The following TTC36 variants were observed in gnomAD, a reference collection of about 807,000 sequenced individuals.
TTC36 encodes tetratricopeptide repeat domain 36, also known as tetratricopeptide repeat protein 36.
Under a neutral mutation model 17.5 loss-of-function variants are expected in TTC36, and 15 were observed. That is an observed-to-expected ratio of 0.86 (90% CI 0.57 to 1.32). The LOEUF is 1.32. Among genes scored for constraint, TTC36 ranks in the 40% most tolerant of loss-of-function variants. TTC36 has a pLI of 0.00. For synonymous variants in TTC36, 112 were observed against 109.8 expected (o/e 1.02, Z -0.13); for missense variants, 292 against 260.9 (o/e 1.12, Z -0.82).
chr11:118,527,776 T>C, intron 1 of TTC36, 164 bp downstream of exon 1: 1 of 695,292 alleles, frequency 1.4e-6, no homozygotes, highest in Non-Finnish European at 2.6e-6. Context: ...GGGGGTTTGG[T>C]AAGAGATGTC....
chr11:118,527,807 G>C (rs1951112191), intron 1 of TTC36, 195 bp downstream of exon 1: 1 of 662,668 alleles, frequency 1.5e-6, no homozygotes, highest in Admixed American at 2.1e-5. Context: ...GAGTAAGCTG[G>C]GGTTTGTCTC....
At chr11:118,528,841 C>T (rs782420479) in intron 2 of TTC36, 50 bp downstream of exon 2, 4 of 1,508,156 alleles carry the variant, frequency 2.7e-6, no homozygotes, top group African/African-American at 1.4e-5. Flanking sequence ...CGGGAGGGCA[C>T]AGACCAGAAC....
intron 2 of TTC36, 87 bp downstream of exon 2, chr11:118,528,878 C>T: frequency 7.9e-7 from 1 of 1,264,252 alleles, no homozygotes; most frequent in Admixed American, 2.6e-5. Flanking sequence ...CTGGGGTGGC[C>T]TTGCTAAACC....
chr11:118,528,993 T>G (rs1951142040), intron 2 of TTC36, among the ~76,000 whole-genome samples: 1 of 152,146 alleles, frequency 6.6e-6, no homozygotes, highest in African/African-American at 2.4e-5. Flanking sequence ...TTCCATTGAT[T>G]AAGGAACAGT....
At chr11:118,528,508 C>G in intron 1 of TTC36, 95 bp from the exon 2 acceptor site, 1 of 1,346,812 alleles carries the variant, frequency 7.4e-7, no homozygotes, top group Non-Finnish European at 1.0e-6. Flanking sequence ...CCAGTCAGCT[C>G]TGGCTCAGAT....
In TTC36 at chr11:118,527,564, G is replaced by GATCC; in HGVS notation, c.70_71insATCC (p.Val24AspfsTer19). The GATCC allele has an allele frequency of 6.2e-7, 1 of 1,614,218 alleles. No homozygotes were observed. Among genetic ancestry groups the GATCC allele is most frequent in the Non-Finnish European group, 8.5e-7 (1 of 1,180,030 alleles). On this transcript the variant is annotated frameshift_variant, in exon 1 of 3. Coordinates refer to ENST00000302783, the MANE Select transcript of TTC36 (RefSeq NM_001080441.4). LOFTEE classifies it high-confidence loss of function. ...CCCTGACACCCCATTTGGAGACATT[G>GATCC]TTGGATTGGACCTCGGAGAGGAAGC...
intron 2 of TTC36, 116 bp downstream of exon 2, chr11:118,528,907 T>C: frequency 1.1e-5 from 10 of 919,106 alleles, no homozygotes; most frequent in Non-Finnish European, 1.4e-5. Context: ...GCCTGTCTTC[T>C]TACCTATAAG....
In TTC36 at chr11:118,530,538, C is replaced by A; in HGVS notation, c.308-116C>A. On this transcript the variant is annotated intron_variant, in intron 2 of 2. Coordinates refer to ENST00000302783, the MANE Select transcript of TTC36 (RefSeq NM_001080441.4). The surrounding 1 kb of genome is among the most constrained non-coding windows in gnomAD (Gnocchi z 5.8). ...GTGCGAGGCGGGTTGTAAATGGCCA[C>A]GCCCGGGAGCCGCAAGAACCACGGT... is the stretch of plus-strand genomic sequence containing the variant. The A allele has an allele frequency of 1.6e-6, 2 of 1,240,092 alleles. No individual in the cohort carries two copies. The highest frequency in any genetic ancestry group is 2.1e-6 in the Non-Finnish European group (2 of 966,500). 76.8% of individuals were successfully genotyped at this position (1,240,092 alleles called of 1,614,324 possible). A position where few individuals can be genotyped will look rare whatever the true frequency, so the allele number is the denominator to read the frequency against.
chr11:118,527,689 GT>G, intron 1 of TTC36, 77 bp downstream of exon 1: 1 of 986,048 alleles, frequency 1.0e-6, no homozygotes, highest in Non-Finnish European at 1.6e-6. Context: ...GAGGGAGGTG[GT>G]TTTATAAGGC....
chr11:118,528,098 G>A (rs1653838279), intron 1 of TTC36: 3 of 402,586 alleles, frequency 7.5e-6, no homozygotes, highest in South Asian at 3.6e-5. Context: ...CCTAATGAAG[G>A]AGTTTTTGAT....
chr11:118,530,632 G>T lies in TTC36; in HGVS notation c.308-22G>T. On this transcript the variant is annotated intron_variant, in intron 2 of 2. Coordinates refer to ENST00000302783, the MANE Select transcript of TTC36 (RefSeq NM_001080441.4). This position sits in a 1 kb window ranked among gnomAD's most constrained non-coding sequence, Gnocchi z 5.8. ...CCTGGCCTCCGCTGACCCCCGCCCC[G>T]CCCGTCTCGTCGGTCCCGCAGGCGC... is the stretch of plus-strand genomic sequence containing the variant. 7.1e-7 allele frequency: 1 copy of T among 1,410,964 alleles called. No homozygotes were observed. The highest frequency in any genetic ancestry group is 3.1e-5 in the East Asian group (1 of 32,698). 87.4% of individuals were successfully genotyped at this position (1,410,964 alleles called of 1,614,324 possible).
chr11:118,530,512 G>A lies in TTC36; in HGVS notation c.308-142G>A. 3.3e-6 allele frequency: 3 copies of A among 912,400 alleles called. No individual in the cohort carries two copies. The highest frequency in any genetic ancestry group is 2.5e-5 in the South Asian group (1 of 40,068). The allele number at this position is 912,400 out of a possible 1,614,324, so 56.5% of individuals were successfully genotyped here. ...GGAATAACGATCCGTACCTCTAGCA[G>A]GTGCGAGGCGGGTTGTAAATGGCCA... On this transcript the variant is annotated intron_variant, in intron 2 of 2. Coordinates refer to ENST00000302783, the MANE Select transcript of TTC36 (RefSeq NM_001080441.4). The surrounding 1 kb of genome is among the most constrained non-coding windows in gnomAD (Gnocchi z 5.8).
Position 118,528,663 on chromosome 11 carries a change from T to C in TTC36, c.179T>C (p.Met60Thr), listed in dbSNP as rs1001304418. 7 of 1,611,452 alleles carry C rather than the reference T, an allele frequency of 4.3e-6. No individual in the cohort carries two copies. Among genetic ancestry groups the C allele is most frequent in the Non-Finnish European group, 5.9e-6 (7 of 1,178,580 alleles). Residue 60 changes from methionine (M) to threonine (T), a missense_variant, in exon 2 of 3, where the codon ATG (methionine) becomes ACG (threonine). Physicochemically the swap from Met to Thr is moderately conservative, Grantham distance 81. Transcript: ENST00000302783. ...AAGGCCCTGGAGCTGCAGGGGGTGA[T>C]GGCAGCAGAGGCTGGGGACCTCAGC... ...QSKALELQGVMAAEAGDLSTA... is the reference protein window; with the variant it reads ...QSKALELQGVTAAEAGDLSTA...
chr11:118,530,484 A>C lies in TTC36; in HGVS notation c.308-170A>C. The C allele has an allele frequency of 1.4e-6, 1 of 713,120 alleles. No individual in the cohort carries two copies. Among genetic ancestry groups the C allele is most frequent in the Non-Finnish European group, 2.0e-6 (1 of 488,056 alleles). 44.2% of individuals were successfully genotyped at this position (713,120 alleles called of 1,614,324 possible). ...CTCTTCCACAGTCTTCATCTGTGTAATGGGAATAACGATCCGTACCTCTAG... is the reference window on the plus strand; with the variant it reads ...CTCTTCCACAGTCTTCATCTGTGTACTGGGAATAACGATCCGTACCTCTAG... On this transcript the variant is annotated intron_variant, in intron 2 of 2. Coordinates refer to ENST00000302783, the MANE Select transcript of TTC36 (RefSeq NM_001080441.4). This position sits in a 1 kb window ranked among gnomAD's most constrained non-coding sequence, Gnocchi z 5.8.
chr11:118,529,168 A>G (rs1951145341), intron 2 of TTC36, among the ~76,000 whole-genome samples: 1 of 152,190 alleles, frequency 6.6e-6, no homozygotes, highest in Non-Finnish European at 1.5e-5. Context: ...AGTATGTACT[A>G]TTGTTATCCC....
chr11:118,529,451 T>G (rs1371318518), intron 2 of TTC36, among the ~76,000 whole-genome samples: 1 of 152,158 alleles, frequency 6.6e-6, no homozygotes, highest in South Asian at 2.1e-4. Context: ...AGTTAGTTGG[T>G]GGGTGGAGAA....
At chr11:118,527,965 T>C (rs1555056208) in intron 1 of TTC36, 1 of 468,118 alleles carries the variant, frequency 2.1e-6, no homozygotes, top group Non-Finnish European at 4.3e-6. Context: ...AGGCAGGGCA[T>C]GGTTGCTCAG....
At chr11:118,527,808 G>A in intron 1 of TTC36, 196 bp downstream of exon 1, 1 of 660,858 alleles carries the variant, frequency 1.5e-6, no homozygotes, top group Non-Finnish European at 2.8e-6. Context: ...AGTAAGCTGG[G>A]GTTTGTCTCT....
At position 118,528,699 on chromosome 11, in the gene TTC36, A is replaced by G; in HGVS notation, c.215A>G (p.Glu72Gly). 6.2e-7 allele frequency: 1 copy of G among 1,613,536 alleles called. No homozygotes were observed. Among genetic ancestry groups the G allele is most frequent in the Middle Eastern group, 1.7e-4 (1 of 6,030 alleles). The change falls in exon 2 of 3, where the codon GAG becomes GGG. Residue 72 changes from glutamate (E) to glycine (G), a missense_variant. Physicochemically the swap from Glu to Gly is moderately conservative, Grantham distance 98. Coordinates refer to ENST00000302783, the MANE Select transcript of TTC36 (RefSeq NM_001080441.4). ...AEAGDLSTAL[E>G]RFGQAICLLP... ...GCTGGGGACCTCAGCACAGCCCTGG[A>G]GAGGTTTGGCCAAGCCATCTGCCTG... is the stretch of plus-strand genomic sequence containing the variant.
Sources: gnomAD v4.1 joint callset for allele counts (sites outside exome capture counted in the v4.1 genomes callset) on GRCh38, gnomAD v4.1.1 for gene constraint, Gnocchi (gnomAD v3.1) non-coding constraint, MANE v1.5 for transcripts, NCBI Gene and HGNC (gene_info 2026-07-23, HGNC 2026-07-21) for gene names.